SVIP: variants seen among roughly 807,000 people sequenced by gnomAD.
The protein encoded by SVIP is small VCP interacting protein.
Under a neutral mutation model 12.9 loss-of-function variants are expected in SVIP, and 14 were observed. That is an observed-to-expected ratio of 1.08 (90% CI 0.72 to 1.70). The LOEUF is 1.70. Among genes scored for constraint, SVIP ranks in the 40% most tolerant of loss-of-function variants. The pLI is 0.00. For synonymous variants in SVIP, 35 were observed against 33.3 expected, an observed-to-expected ratio of 1.05 and a Z score of -0.17; for missense variants, 93 against 90.8, an observed-to-expected ratio of 1.02 and a Z score of -0.10.
In SVIP at chr11:22,819,321, A is replaced by C. The variant is rs1437459159; in HGVS notation, c.*3798T>G. 1.3e-5 allele frequency: 2 copies of C among 152,218 alleles called. No homozygotes were observed. Among genetic ancestry groups the C allele is most frequent in the East Asian group, 3.8e-4 (2 of 5,196 alleles). 9.4% of individuals were successfully genotyped at this position (152,218 alleles called of 1,614,324 possible). ...GATATCTGACTTATGTAACAAGATAAATTTCAGGGAAATAGCCTAGAGAGC... is the reference window on the plus strand; with the variant it reads ...GATATCTGACTTATGTAACAAGATACATTTCAGGGAAATAGCCTAGAGAGC... On this transcript the variant is annotated 3_prime_UTR_variant, in exon 4 of 4. Transcript: ENST00000354193.
intron 1 of SVIP, 60 bp downstream of exon 1, chr11:22,829,635 C>G: frequency 6.6e-7 from 1 of 1,514,766 alleles, no homozygotes; most frequent in South Asian, 1.2e-5. Flanking sequence ...GCCCGCCCCG[C>G]AACCCGAGGA....
In SVIP at chr11:22,821,324, C is replaced by CA. The variant is rs907319265; in HGVS notation, c.*1794dup. The CA allele has an allele frequency of 1.3e-5, 2 of 151,816 alleles. No homozygotes were observed. Among genetic ancestry groups the CA allele is most frequent in the African/African-American group, 4.8e-5 (2 of 41,332 alleles). 9.4% of individuals were successfully genotyped at this position (151,816 alleles called of 1,614,324 possible). A position where few individuals can be genotyped will look rare whatever the true frequency, so the allele number is the denominator to read the frequency against. ...GGTTTTGGAGAAAGCTGATCACACT[C>CA]ACGGTGACAGGCCATGGTTGGAAGT... On this transcript the variant is annotated 3_prime_UTR_variant, in exon 4 of 4. Coordinates refer to ENST00000354193, the MANE Select transcript of SVIP (RefSeq NM_148893.3).
intron 1 of SVIP, chr11:22,829,371 A>T: frequency 3.5e-6 from 1 of 283,050 alleles, no homozygotes; most frequent in Non-Finnish European, 6.6e-6. Flanking sequence ...CATCCCCCGG[A>T]ATGTCCCACG....
intron 3 of SVIP, among the ~76,000 whole-genome samples, chr11:22,826,748 G>A (rs2134762232): frequency 6.6e-6 from 1 of 152,092 alleles, no homozygotes; most frequent in South Asian, 2.1e-4. Context: ...AATAAACAGG[G>A]GCAATGGAAA....
chr11:22,827,234 G>A lies in SVIP; in HGVS notation c.192C>T (p.Ser64=), dbSNP rs372395701. 15 of 1,608,808 alleles carry A rather than the reference G, an allele frequency of 9.3e-6. No homozygotes were observed. Among genetic ancestry groups the A allele is most frequent in the Middle Eastern group, 1.7e-4 (1 of 6,044 alleles). ...TAAGTCCACCTTCTGGTGGGGGCCC[G>A]GATGTAGCAATTTGTTTTTCTATTT... ...KEKIEKQIAT[S]GPPPEGGLRW... The change falls in exon 3 of 4, where the codon TCC becomes TCT. Residue 64 remains serine, a synonymous_variant. Transcript: ENST00000354193.
At chr11:22,827,597 A>C (rs1719432580) in intron 2 of SVIP, among the ~76,000 whole-genome samples, 1 of 152,094 alleles carries the variant, frequency 6.6e-6, no homozygotes, top group African/African-American at 2.4e-5. Context: ...ATGTTACTAA[A>C]AGAGTATCTG....
chr11:22,824,425 T>C (rs1466288314), intron 3 of SVIP, among the ~76,000 whole-genome samples: 1 of 7,506 alleles, frequency 1.3e-4, no homozygotes, highest in Non-Finnish European at 7.2e-4. Context: ...GGGTGTTTTA[T>C]ATATATATAT....
In SVIP at chr11:22,829,760, C is replaced by A. The variant is rs955933394; in HGVS notation, c.-12G>T. 4 of 1,602,866 alleles carry A rather than the reference C, an allele frequency of 2.5e-6. No individual in the cohort carries two copies. The highest frequency in any genetic ancestry group is 3.4e-6 in the Non-Finnish European group (4 of 1,175,660). On this transcript the variant is annotated 5_prime_UTR_variant, in exon 1 of 4. Transcript: ENST00000354193. ...AAACACAGCCCCATAGGGACGACAG[C>A]TTGAGAACCCTGACCGGGTCCGGCC...
At chr11:22,828,279 T>C (rs186416851) in intron 1 of SVIP, among the ~76,000 whole-genome samples, 1 of 152,232 alleles carries the variant, frequency 6.6e-6, no homozygotes. Context: ...CTAATCTCAG[T>C]GTGTAGGAGG....
rs1374179430 is a variant in SVIP, at chr11:22,819,716, G to A, written c.*3403C>T. ...GAACCTGGGAGGCAGAGGTTGCGGT[G>A]AGCTGAGATTGTGCCATTGCACTCC... On this transcript the variant is annotated 3_prime_UTR_variant, in exon 4 of 4. Coordinates refer to ENST00000354193, the MANE Select transcript of SVIP (RefSeq NM_148893.3). The A allele has an allele frequency of 1.3e-5, 2 of 152,500 alleles. No homozygotes were observed. The highest frequency in any genetic ancestry group is 4.8e-5 in the African/African-American group (2 of 41,486). 9.4% of individuals were successfully genotyped at this position (152,500 alleles called of 1,614,324 possible).
At chr11:22,828,317 T>C (rs1260758215) in intron 1 of SVIP, among the ~76,000 whole-genome samples, 7 of 152,162 alleles carry the variant, frequency 4.6e-5, no homozygotes, top group Non-Finnish European at 1.5e-5. Context: ...TCATGAGAGG[T>C]ATTGTTCCAT....
chr11:22,822,548 T>C lies in SVIP; in HGVS notation c.*571A>G, dbSNP rs1857523133. The C allele has an allele frequency of 6.6e-6, 1 of 152,124 alleles. No homozygotes were observed. The highest frequency in any genetic ancestry group is 2.1e-4 in the South Asian group (1 of 4,826). The allele number at this position is 152,124 out of a possible 1,614,324, so 9.4% of individuals were successfully genotyped here. A position where few individuals can be genotyped will look rare whatever the true frequency, so the allele number is the denominator to read the frequency against. ...ATTTTATAAGCTACATAAATAAAAA[T>C]AAATTGGAAAAAATTTTACATCTGC... On this transcript the variant is annotated 3_prime_UTR_variant, in exon 4 of 4. Coordinates refer to ENST00000354193, the MANE Select transcript of SVIP (RefSeq NM_148893.3).
Position 22,823,067 on chromosome 11 carries a change from T to C in SVIP, c.*52A>G, listed in dbSNP as rs1418243844. 7 of 1,475,782 alleles carry C rather than the reference T, an allele frequency of 4.7e-6. No individual in the cohort carries two copies. The highest frequency in any genetic ancestry group is 4.3e-5 in the African/African-American group (3 of 70,470). The allele number at this position is 1,475,782 out of a possible 1,614,324, so 91.4% of individuals were successfully genotyped here. ...AATTAAATTGATGAAGCCCACTTGA[T>C]TGCAGATAATAAACAGTTATTGGCA... On this transcript the variant is annotated 3_prime_UTR_variant, in exon 4 of 4. Transcript: ENST00000354193.
At chr11:22,827,907 A>C in intron 1 of SVIP, 33 bp from the exon 2 acceptor site, 1 of 1,406,596 alleles carries the variant, frequency 7.1e-7, no homozygotes, top group Non-Finnish European at 9.6e-7. Context: ...GTATTAAAAT[A>C]ACAAACATTA....
rs1286474936 is a variant in SVIP at position 22,827,808 on chromosome 11, T to C, written c.105+16A>G. On this transcript the variant is annotated intron_variant, in intron 2 of 3. Coordinates refer to ENST00000354193, the MANE Select transcript of SVIP (RefSeq NM_148893.3). ...CTCAATTATCTAAGTAGGCAAAACT[T>C]GATCTTTAATCTTACCTCTTTTTGT... 6 of 1,568,112 alleles carry C rather than the reference T, an allele frequency of 3.8e-6. 1 individual carries two copies. The African/African-American group carries it at 5.4e-5, about 14-fold the overall frequency.
At chr11:22,825,150 T>A (rs992323314) in intron 3 of SVIP, among the ~76,000 whole-genome samples, 3 of 151,974 alleles carry the variant, frequency 2.0e-5, no homozygotes, top group African/African-American at 7.2e-5. Context: ...AGAAAGACTC[T>A]ACCTAGGGAA....
At chr11:22,825,774 T>G (rs989975473) in intron 3 of SVIP, among the ~76,000 whole-genome samples, 2 of 152,196 alleles carry the variant, frequency 1.3e-5, no homozygotes, top group Non-Finnish European at 2.9e-5. Context: ...ACTTGTGAAG[T>G]GTCTTCTTAA....
At chr11:22,824,033 T>A (rs549713465) in intron 3 of SVIP, among the ~76,000 whole-genome samples, 1 of 152,322 alleles carries the variant, frequency 6.6e-6, no homozygotes, top group African/African-American at 2.4e-5. Flanking sequence ...GTGACTGTGC[T>A]CAGCCTCTTC....
intron 1 of SVIP, among the ~76,000 whole-genome samples, chr11:22,828,654 TG>T (rs1040526301): frequency 1.3e-5 from 2 of 151,696 alleles, no homozygotes; most frequent in Non-Finnish European, 2.9e-5. Flanking sequence ...AGTATGAGGA[TG>T]GGGGGGAGGG....
Sources: allele counts gnomAD v4.1 joint callset (sites outside exome capture counted in the v4.1 genomes callset), GRCh38; gene constraint gnomAD v4.1.1; transcripts MANE v1.5; gene names NCBI Gene and HGNC (gene_info 2026-07-23, HGNC 2026-07-21).